The following FAM227A variants were observed in gnomAD, a reference collection of about 807,000 sequenced individuals.
FAM227A encodes family with sequence similarity 227 member A.
Under a neutral mutation model 74.7 loss-of-function variants are expected in FAM227A, and 80 were observed. The observed-to-expected ratio is 1.07, with a 90% confidence interval of 0.89 to 1.29. The LOEUF is 1.29. Ranked by LOEUF, FAM227A falls within the 50% of genes most tolerant of loss-of-function variation. The probability of loss-of-function intolerance (pLI) is 0.00; values close to 1 mark genes in which losing one functional copy is unlikely to be tolerated. For synonymous variants in FAM227A, 237 were observed against 241.8 expected, an observed-to-expected ratio of 0.98 and a Z score of 0.19; for missense variants, 654 against 683.4, an observed-to-expected ratio of 0.96 and a Z score of 0.48.
chr22:38,608,603 G>A (rs887268308), intron 11 of FAM227A, among the ~76,000 whole-genome samples: 1 of 148,082 alleles, frequency 6.8e-6, no homozygotes, highest in Non-Finnish European at 1.5e-5. Flanking sequence ...GCTAATTTTT[G>A]TTCTTTTATT....
rs772770202 is a variant in FAM227A, at chr22:38,628,227, C to T, written c.726+11G>A. ...ATGTGACTTTTTTTCTAGATAGTGG[C>T]TGATGCTCACTTTTAAGAGCGCCTC... On this transcript the variant is annotated intron_variant, in intron 8 of 16. Coordinates refer to ENST00000535113, the MANE Select transcript of FAM227A (RefSeq NM_001013647.2). The T allele has an allele frequency of 1.4e-5, 21 of 1,480,164 alleles. No homozygotes were observed. Among genetic ancestry groups the T allele is most frequent in the Non-Finnish European group, 1.8e-5 (20 of 1,083,738 alleles). 91.7% of individuals were successfully genotyped at this position (1,480,164 alleles called of 1,614,324 possible). A position where few individuals can be genotyped will look rare whatever the true frequency, so the allele number is the denominator to read the frequency against.
At chr22:38,633,487 G>T (rs2145631868) in intron 6 of FAM227A, among the ~76,000 whole-genome samples, 1 of 152,306 alleles carries the variant, frequency 6.6e-6, no homozygotes, top group South Asian at 2.1e-4. Flanking sequence ...ACAACTCCAT[G>T]TGCTTCTTAC....
In FAM227A at chr22:38,578,371, G is replaced by C. The variant is rs2090679378; in HGVS notation, c.*7754C>G. 1 of 152,124 alleles carries C rather than the reference G, an allele frequency of 6.6e-6. No homozygotes were observed. Among genetic ancestry groups the C allele is most frequent in the African/African-American group, 2.4e-5 (1 of 41,420 alleles). The allele number at this position is 152,124 out of a possible 1,614,324, so 9.4% of individuals were successfully genotyped here. The stretch of plus-strand genomic sequence containing the variant: ...AAACATCGTTACGTGGTGCATGACT[G>C]TGTGTATGTATACACACACATACAT... On this transcript the variant is annotated 3_prime_UTR_variant, in exon 17 of 17. Coordinates refer to ENST00000535113, the MANE Select transcript of FAM227A (RefSeq NM_001013647.2).
intron 13 of FAM227A, among the ~76,000 whole-genome samples, chr22:38,604,740 G>C (rs941909651): frequency 6.6e-6 from 1 of 151,984 alleles, no homozygotes; most frequent in Non-Finnish European, 1.5e-5. Flanking sequence ...TGCAACATCC[G>C]CCTCCCAGGT....
intron 11 of FAM227A, among the ~76,000 whole-genome samples, chr22:38,610,968 G>A (rs1372655150): frequency 6.6e-6 from 1 of 152,014 alleles, no homozygotes; most frequent in Non-Finnish European, 1.5e-5. Context: ...GCTGAAGTAG[G>A]AGAATCATTG....
At chr22:38,594,860 A>C (rs1180732940) in intron 15 of FAM227A, among the ~76,000 whole-genome samples, 1 of 152,176 alleles carries the variant, frequency 6.6e-6, no homozygotes, top group Non-Finnish European at 1.5e-5. Flanking sequence ...GCACTTTGGG[A>C]GGCCGAGGGG....
intron 3 of FAM227A, among the ~76,000 whole-genome samples, chr22:38,639,931 T>G (rs2092078744): frequency 6.6e-6 from 1 of 152,166 alleles, no homozygotes; most frequent in African/African-American, 2.4e-5. Context: ...TGTCTCACAC[T>G]GCCCCTTCTT....
chr22:38,600,879 G>A (rs1307754492), intron 13 of FAM227A, among the ~76,000 whole-genome samples: 1 of 151,580 alleles, frequency 6.6e-6, no homozygotes, highest in African/African-American at 2.4e-5. Context: ...TTGAATCTGG[G>A]AGGCGGAGGT....
chr22:38,582,962 G>A lies in FAM227A; in HGVS notation c.*3163C>T. On this transcript the variant is annotated 3_prime_UTR_variant, in exon 17 of 17. Coordinates refer to ENST00000535113, the MANE Select transcript of FAM227A (RefSeq NM_001013647.2). ...TAGTGATGTTGGCAGTTAACAAAGA[G>A]GAGGGAGGAGAAGGCATTTTCAGGT... The A allele has an allele frequency of 6.5e-7, 1 of 1,550,132 alleles. No individual in the cohort carries two copies. The highest frequency in any genetic ancestry group is 8.7e-7 in the Non-Finnish European group (1 of 1,146,832).
chr22:38,617,178 C>T (rs1432987676), intron 11 of FAM227A, among the ~76,000 whole-genome samples: 2 of 151,654 alleles, frequency 1.3e-5, no homozygotes, highest in African/African-American at 2.4e-5. Context: ...AGAATGTCTG[C>T]AAGAAGGCAC....
At chr22:38,605,107 T>C in intron 13 of FAM227A, 147 bp downstream of exon 13, 4 of 556,274 alleles carry the variant, frequency 7.2e-6, no homozygotes, top group Non-Finnish European at 1.3e-5. Context: ...ACTGTGACAG[T>C]AGAAGAAAAT....
intron 2 of FAM227A, among the ~76,000 whole-genome samples, chr22:38,648,731 G>C (rs1270766695): frequency 1.3e-5 from 2 of 152,074 alleles, no homozygotes; most frequent in African/African-American, 4.8e-5. Flanking sequence ...CCAGCACTTT[G>C]GGAGGCTGAG....
At chr22:38,638,041 C>T (rs909007661) in intron 5 of FAM227A, among the ~76,000 whole-genome samples, 96 of 152,106 alleles carry the variant, frequency 6.3e-4, no homozygotes, top group African/African-American at 2.2e-3. Context: ...TGGTGCATGT[C>T]TTAATCCCAG....
intron 6 of FAM227A, among the ~76,000 whole-genome samples, chr22:38,629,610 G>A (rs1445034277): frequency 6.6e-6 from 1 of 152,248 alleles, no homozygotes; most frequent in African/African-American, 2.4e-5. Context: ...AGCTTACATG[G>A]GCCAGGAGGT....
At chr22:38,639,937 T>C (rs995044727) in intron 3 of FAM227A, among the ~76,000 whole-genome samples, 2 of 152,148 alleles carry the variant, frequency 1.3e-5, no homozygotes, top group Non-Finnish European at 2.9e-5. Context: ...ACACTGCCCC[T>C]TCTTCTAGGA....
chr22:38,590,809 G>A (rs1036257365), intron 16 of FAM227A, among the ~76,000 whole-genome samples: 43 of 151,828 alleles, frequency 2.8e-4, no homozygotes, highest in African/African-American at 9.2e-4. Context: ...TTTTTGAGAC[G>A]GAGTCTCATT....
At chr22:38,603,433 A>T (rs939217041) in intron 13 of FAM227A, among the ~76,000 whole-genome samples, 6 of 151,244 alleles carry the variant, frequency 4.0e-5, no homozygotes, top group African/African-American at 1.2e-4. Context: ...AGTTGCAGTG[A>T]GCCAAGATCG....
chr22:38,613,296 C>G (rs369615731), intron 11 of FAM227A, among the ~76,000 whole-genome samples: 3 of 56,936 alleles, frequency 5.3e-5, no homozygotes, highest in African/African-American at 7.2e-5. Context: ...TAATATATAT[C>G]ATATATAATA....
intron 6 of FAM227A, among the ~76,000 whole-genome samples, chr22:38,629,391 G>A (rs1010331591): frequency 6.6e-6 from 1 of 152,226 alleles, no homozygotes; most frequent in Admixed American, 6.5e-5. Flanking sequence ...AGCTTCCGTT[G>A]TCATACAACT....
Sources: allele counts gnomAD v4.1 joint callset (sites outside exome capture counted in the v4.1 genomes callset), GRCh38; gene constraint gnomAD v4.1.1; transcripts MANE v1.5; gene names NCBI Gene and HGNC (gene_info 2026-07-23, HGNC 2026-07-21).